The following ROR1 variants were observed in gnomAD, a reference collection of about 807,000 sequenced individuals.
The protein encoded by ROR1 is inactive tyrosine-protein kinase transmembrane receptor ROR1.
A neutral mutation model predicts 78.8 loss-of-function variants in ROR1; 19 were observed. That is an observed-to-expected ratio of 0.24 (90% CI 0.17 to 0.35). ROR1 has a LOEUF of 0.35. ROR1 is among the 10% of genes least tolerant of loss of function. ROR1 has a pLI of 1.00. For synonymous variants in ROR1, 386 were observed against 433.6 expected (o/e 0.89, Z 1.36); for missense variants, 917 against 1,177.8 (o/e 0.78, Z 3.24).
chr1:64,062,601 G>A (rs919427920), intron 4 of ROR1, among the ~76,000 whole-genome samples: 1 of 152,122 alleles, frequency 6.6e-6, no homozygotes, highest in Non-Finnish European at 1.5e-5. Flanking sequence ...ATGAGCCACT[G>A]TGCCCGGCCC....
intron 1 of ROR1, among the ~76,000 whole-genome samples, chr1:63,989,666 C>T (rs1433108339): frequency 6.6e-6 from 1 of 152,164 alleles, no homozygotes; most frequent in Non-Finnish European, 1.5e-5. Context: ...TCTTCTCTTG[C>T]TTTGGTCGAA....
chr1:64,101,822 T>A (rs1647559380), intron 4 of ROR1, among the ~76,000 whole-genome samples: 1 of 152,210 alleles, frequency 6.6e-6, no homozygotes, highest in African/African-American at 2.4e-5. Flanking sequence ...GAGAGGCAGA[T>A]AATTCCAGGC....
chr1:63,827,948 T>C (rs1644965588), intron 1 of ROR1, among the ~76,000 whole-genome samples: 1 of 152,196 alleles, frequency 6.6e-6, no homozygotes, highest in South Asian at 2.1e-4. Flanking sequence ...CAATAAACTG[T>C]AGGCTTTAAA....
At chr1:64,092,027 A>G (rs944496252) in intron 4 of ROR1, among the ~76,000 whole-genome samples, 5 of 151,954 alleles carry the variant, frequency 3.3e-5, no homozygotes, top group Admixed American at 6.6e-5. Flanking sequence ...ACTTATTACA[A>G]TTTTGGGTGT....
At position 63,789,279 on chromosome 1, in the gene ROR1, C is replaced by A; in HGVS notation, c.91+14771C>A. The A allele has an allele frequency of 5.4e-6, 3 of 554,932 alleles. No homozygotes were observed. The East Asian group carries it at 1.2e-4, about 23-fold the overall frequency. The allele number at this position is 554,932 out of a possible 1,614,324, so 34.4% of individuals were successfully genotyped here. A position where few individuals can be genotyped will look rare whatever the true frequency, so the allele number is the denominator to read the frequency against. On this transcript the variant is annotated intron_variant, in intron 1 of 8. Transcript: ENST00000371079. ...ACAGGGGAGGACCCTAGAGGCAAGC[C>A]TCTTCTGAAGCCTGAGCATACTCAT...
chr1:63,941,887 T>C (rs1011403433), intron 1 of ROR1, among the ~76,000 whole-genome samples: 4 of 152,206 alleles, frequency 2.6e-5, no homozygotes, highest in African/African-American at 9.7e-5. Flanking sequence ...ATAGTACTCA[T>C]GAGCCTCCGG....
At chr1:64,007,035 A>C (rs1646433381) in intron 1 of ROR1, among the ~76,000 whole-genome samples, 1 of 152,122 alleles carries the variant, frequency 6.6e-6, no homozygotes, top group African/African-American at 2.4e-5. Flanking sequence ...AAGGTGAAAA[A>C]AAAAAGCCAG....
chr1:63,891,460 G>A (rs1645395073), intron 1 of ROR1, among the ~76,000 whole-genome samples: 1 of 152,170 alleles, frequency 6.6e-6, no homozygotes, highest in African/African-American at 2.4e-5. Context: ...TTGCAGGTGT[G>A]AGCGGTTGCC....
chr1:63,800,785 T>C (rs1029514006), intron 1 of ROR1, among the ~76,000 whole-genome samples: 10 of 152,168 alleles, frequency 6.6e-5, no homozygotes, highest in Admixed American at 5.2e-4. Context: ...ATGAGAAAAA[T>C]CTGGGAACTT....
intron 4 of ROR1, among the ~76,000 whole-genome samples, chr1:64,072,107 G>A (rs915550635): frequency 5.3e-5 from 8 of 152,188 alleles, no homozygotes; most frequent in Non-Finnish European, 8.8e-5. Flanking sequence ...TCTTAGAGCC[G>A]AGAAACTTCT....
At chr1:63,845,725 T>C (rs1275169086) in intron 1 of ROR1, among the ~76,000 whole-genome samples, 1 of 152,222 alleles carries the variant, frequency 6.6e-6, no homozygotes, top group African/African-American at 2.4e-5. Flanking sequence ...GATACCTGCA[T>C]GCATCTTCAT....
chr1:64,066,452 G>A (rs1466149063), intron 4 of ROR1, among the ~76,000 whole-genome samples: 1 of 151,896 alleles, frequency 6.6e-6, no homozygotes, highest in Non-Finnish European at 1.5e-5. Flanking sequence ...CAAGTAGCTG[G>A]GACTACAGGC....
intron 1 of ROR1, among the ~76,000 whole-genome samples, chr1:63,829,456 G>A (rs1644973436): frequency 6.6e-6 from 1 of 152,208 alleles, no homozygotes; most frequent in Non-Finnish European, 1.5e-5. Flanking sequence ...TAATTCAGAT[G>A]TGGGGACAGG....
At chr1:64,044,437 C>T (rs1646768498) in intron 2 of ROR1, among the ~76,000 whole-genome samples, 1 of 152,090 alleles carries the variant, frequency 6.6e-6, no homozygotes, top group African/African-American at 2.4e-5. Context: ...CGGTACCAAA[C>T]TAGTGGTCAC....
intron 4 of ROR1, among the ~76,000 whole-genome samples, chr1:64,128,110 AG>A (rs960042266): frequency 6.6e-6 from 1 of 152,068 alleles, no homozygotes; most frequent in African/African-American, 2.4e-5. Flanking sequence ...TGCTACTCTT[AG>A]AAGCTGCCCC....
At chr1:63,853,947 G>A (rs1474445161) in intron 1 of ROR1, among the ~76,000 whole-genome samples, 1 of 152,074 alleles carries the variant, frequency 6.6e-6, no homozygotes, top group Non-Finnish European at 1.5e-5. Flanking sequence ...CAGCTTCCCA[G>A]AACTAGGATG....
intron 1 of ROR1, among the ~76,000 whole-genome samples, chr1:63,932,546 C>A (rs1329896480): frequency 2.6e-5 from 4 of 152,138 alleles, no homozygotes; most frequent in African/African-American, 9.7e-5. Context: ...ATTTCTACTG[C>A]CCCCAAAGCC....
At chr1:64,124,717 A>G (rs1222370363) in intron 4 of ROR1, among the ~76,000 whole-genome samples, 3 of 152,166 alleles carry the variant, frequency 2.0e-5, no homozygotes, top group Non-Finnish European at 2.9e-5. Context: ...CAACTTCTCA[A>G]AAACTGCCAG....
intron 1 of ROR1, among the ~76,000 whole-genome samples, chr1:63,888,799 T>C (rs1194913795): frequency 2.6e-5 from 4 of 152,190 alleles, no homozygotes; most frequent in African/African-American, 4.8e-5. Context: ...GTTCCTAATA[T>C]GTGCCAAGCA....
Sources: allele counts gnomAD v4.1 joint callset (sites outside exome capture counted in the v4.1 genomes callset), GRCh38; gene constraint gnomAD v4.1.1; transcripts MANE v1.5; gene names NCBI Gene and HGNC (gene_info 2026-07-23, HGNC 2026-07-21).